Variants in DACH1 observed in about 807,000 individuals in gnomAD.
The protein encoded by DACH1 is dachshund homolog 1.
In DACH1, 12 loss-of-function variants were observed where a neutral mutation model predicts 54.2. The ratio of observed to expected loss-of-function variants is 0.22; its 90% CI spans 0.14 to 0.36. The LOEUF is 0.36. Among genes scored for constraint, DACH1 ranks in the 10% least tolerant of loss-of-function variants. The pLI, the probability that DACH1 is intolerant of heterozygous loss-of-function variation, is 1.00. For synonymous variants in DACH1, 386 were observed against 366.2 expected (o/e 1.05, Z -0.62); for missense variants, 805 against 929.8 (o/e 0.87, Z 1.75).
At chr13:71,552,046 G>A (rs1883848976) in intron 6 of DACH1, among the ~76,000 whole-genome samples, 1 of 151,982 alleles carries the variant, frequency 6.6e-6, no homozygotes, top group South Asian at 2.1e-4. Context: ...TGAAATGTTG[G>A]TCTCCTGAAG....
chr13:71,453,182 A>T (rs1192888196), intron 10 of DACH1, among the ~76,000 whole-genome samples: 1 of 152,194 alleles, frequency 6.6e-6, no homozygotes, highest in East Asian at 1.9e-4. Flanking sequence ...TCAAAGTGAA[A>T]GACAAAGAAA....
At chr13:71,758,987 A>G (rs1828248325) in intron 1 of DACH1, among the ~76,000 whole-genome samples, 1 of 149,128 alleles carries the variant, frequency 6.7e-6, no homozygotes, top group Admixed American at 6.7e-5. Context: ...TGCCCTTGTC[A>G]TCAAGTCGTT....
intron 1 of DACH1, among the ~76,000 whole-genome samples, chr13:71,834,500 G>A (rs1301757703): frequency 6.6e-6 from 1 of 151,918 alleles, no homozygotes; most frequent in Non-Finnish European, 1.5e-5. Context: ...ATACTATTAT[G>A]GGACATTATT....
intron 2 of DACH1, among the ~76,000 whole-genome samples, chr13:71,656,125 T>C (rs1002394589): frequency 2.6e-5 from 4 of 152,174 alleles, no homozygotes; most frequent in Non-Finnish European, 5.9e-5. Context: ...GTCTTTTTTT[T>C]CCTTATTTAA....
At chr13:71,744,757 C>T (rs991198625) in intron 1 of DACH1, among the ~76,000 whole-genome samples, 2 of 152,024 alleles carry the variant, frequency 1.3e-5, no homozygotes, top group Non-Finnish European at 2.9e-5. Context: ...TATGAGAATC[C>T]ATACAAAAAG....
chr13:71,572,240 A>G lies in DACH1; in HGVS notation c.1299+600T>C, dbSNP rs369302406. Among the ~76,000 whole-genome samples the G allele has an allele frequency of 4.3e-4, 66 of 152,316 alleles. 1 individual carries two copies. The South Asian group carries it at 4.8e-3, about 11-fold the overall frequency. Reference sequence around the variant, plus strand: ...AAACATATTTACATATATAACACATACGATGCACAAACATACACACACAGA... The same window carrying G: ...AAACATATTTACATATATAACACATGCGATGCACAAACATACACACACAGA... On this transcript the variant is annotated intron_variant, in intron 4 of 10. Transcript: ENST00000613252.
chr13:71,842,369 G>A (rs188810773), intron 1 of DACH1, among the ~76,000 whole-genome samples: 34 of 151,594 alleles, frequency 2.2e-4, no homozygotes, highest in African/African-American at 7.5e-4. Flanking sequence ...GAGCCCAGAA[G>A]TTCAAGACCA....
At chr13:71,608,355 A>G (rs932374830) in intron 3 of DACH1, among the ~76,000 whole-genome samples, 9 of 152,000 alleles carry the variant, frequency 5.9e-5, no homozygotes, top group Non-Finnish European at 1.2e-4. Context: ...TCATGTACCC[A>G]TTACAAAAGA....
intron 6 of DACH1, among the ~76,000 whole-genome samples, chr13:71,505,862 C>T (rs1172422934): frequency 6.6e-6 from 1 of 151,974 alleles, no homozygotes; most frequent in African/African-American, 2.4e-5. Context: ...AAGTGGCATA[C>T]AGACTGAAAG....
intron 5 of DACH1, among the ~76,000 whole-genome samples, chr13:71,558,163 A>G (rs990168031): frequency 3.3e-5 from 5 of 152,078 alleles, no homozygotes; most frequent in South Asian, 2.1e-4. Context: ...TATTAAATCT[A>G]TGACAGAAGC....
intron 6 of DACH1, among the ~76,000 whole-genome samples, chr13:71,522,512 T>G (rs1431535889): frequency 6.6e-6 from 1 of 151,966 alleles, no homozygotes; most frequent in Non-Finnish European, 1.5e-5. Context: ...AGCGCAGTGG[T>G]GAGCACCTGT....
rs373115073 is a variant in DACH1 at position 71,849,611 on chromosome 13, G to T, written c.848+16311C>A. On this transcript the variant is annotated intron_variant, in intron 1 of 10. Coordinates refer to ENST00000613252, the MANE Select transcript of DACH1 (RefSeq NM_080759.6). ...ATAGGAAGCTACTGAGAAATAAGAA[G>T]TTGAACCTGCTGGCCTGACTCCTTA... Among the ~76,000 whole-genome samples, 33 of 152,250 alleles carry T rather than the reference G, an allele frequency of 2.2e-4. No homozygotes were observed. In the East Asian group the frequency reaches 3.7e-3, roughly 17 times the overall value.
At chr13:71,605,287 A>G (rs895044749) in intron 3 of DACH1, among the ~76,000 whole-genome samples, 2 of 151,814 alleles carry the variant, frequency 1.3e-5, no homozygotes, top group Non-Finnish European at 2.9e-5. Flanking sequence ...TATTCTTCAT[A>G]TCGGGAATAT....
chr13:71,807,192 A>G (rs1362632219), intron 1 of DACH1, among the ~76,000 whole-genome samples: 1 of 152,166 alleles, frequency 6.6e-6, no homozygotes, highest in African/African-American at 2.4e-5. Context: ...TATATTAACA[A>G]CTGTCTATTA....
At chr13:71,796,313 G>T (rs1458037818) in intron 1 of DACH1, among the ~76,000 whole-genome samples, 1 of 152,070 alleles carries the variant, frequency 6.6e-6, no homozygotes, top group Non-Finnish European at 1.5e-5. Flanking sequence ...GATAAAAATA[G>T]TTAATGGAAT....
rs184894679 is a variant in DACH1 at position 71,658,653 on chromosome 13, G to A, written c.964+23142C>T. On this transcript the variant is annotated intron_variant, in intron 2 of 10. Transcript: ENST00000613252. ...TGGCCTAAATATTCTCACCTTGTAG[G>A]AAATATTAGCTATAATATATTTCAA... Among the ~76,000 whole-genome samples the A allele has an allele frequency of 6.6e-3, 1,000 of 152,144 alleles. 20 individuals are homozygous for A. Among genetic ancestry groups the A allele is most frequent in the Non-Finnish European group, 6.4e-3 (433 of 67,976 alleles).
chr13:71,686,897 T>C (rs1881191813), intron 1 of DACH1, among the ~76,000 whole-genome samples: 1 of 152,192 alleles, frequency 6.6e-6, no homozygotes, highest in African/African-American at 2.4e-5. Context: ...AGCTACTGTA[T>C]ATAAGCACAG....
At chr13:71,532,212 G>A (rs1013227444) in intron 6 of DACH1, among the ~76,000 whole-genome samples, 1 of 151,698 alleles carries the variant, frequency 6.6e-6, no homozygotes, top group African/African-American at 2.4e-5. Flanking sequence ...AGTTCTTTGG[G>A]GTTTTCAAAT....
chr13:71,638,087 C>T lies in DACH1; in HGVS notation c.965-7370G>A, dbSNP rs112912045. On this transcript the variant is annotated intron_variant, in intron 2 of 10. Transcript: ENST00000613252. ...AGAGATGTTACGTATTCAAACTTTC[C>T]ATATGATAGACTTGTTATTAGTTTG... 2.1e-4 allele frequency among the ~76,000 whole-genome samples: 32 copies of T among 152,224 alleles called. 1 individual carries two copies. The highest frequency in any genetic ancestry group is 7.5e-4 in the African/African-American group (31 of 41,544).
Sources: gnomAD v4.1 joint callset for allele counts (sites outside exome capture counted in the v4.1 genomes callset) on GRCh38, gnomAD v4.1.1 for gene constraint, MANE v1.5 for transcripts, NCBI Gene and HGNC (gene_info 2026-07-23, HGNC 2026-07-21) for gene names.